The following PMFBP1 variants were observed in gnomAD, a reference collection of about 807,000 sequenced individuals.
PMFBP1 encodes the protein polyamine-modulated factor 1-binding protein 1.
PMFBP1 carries 131 observed loss-of-function variants against 137.8 expected under a neutral mutation model. That is an observed-to-expected ratio of 0.95 (90% CI 0.82 to 1.10). The LOEUF is 1.10. PMFBP1 is among the 50% of genes least tolerant of loss of function. PMFBP1 has a pLI of 0.00. For synonymous variants in PMFBP1, 490 were observed against 450.4 expected (o/e 1.09, Z -1.11); for missense variants, 1,199 against 1,175.4 (o/e 1.02, Z -0.29).
At chr16:72,180,584 C>T (rs773475333), upstream of PMFBP1, among the ~76,000 whole-genome samples, 1 of 152,132 alleles carries the variant, frequency 6.6e-6, no homozygotes, top group African/African-American at 2.4e-5. Context: ...CCTTTCTACA[C>T]TTCTGCTGCG....
At chr16:72,195,155 G>A in the PMFBP1 span, among the ~76,000 whole-genome samples, 1 of 152,136 alleles carries the variant, frequency 6.6e-6, no homozygotes, top group Non-Finnish European at 1.5e-5. Context: ...GGCAGCTTCC[G>A]GCCAATGACT....
At chr16:72,164,660 T>C (rs2043117098) in intron 3 of PMFBP1, 104 bp downstream of exon 3, 1 of 1,395,572 alleles carries the variant, frequency 7.2e-7, no homozygotes. Context: ...GCTTAATAAG[T>C]ACTCCTGAAT....
At chr16:72,124,013 T>C (rs919065903) in intron 17 of PMFBP1, among the ~76,000 whole-genome samples, 5 of 152,096 alleles carry the variant, frequency 3.3e-5, no homozygotes, top group African/African-American at 1.2e-4. Flanking sequence ...ATGCCTTCTT[T>C]TTCTCTCTTC....
chr16:72,179,647 G>C (rs2043269853), upstream of PMFBP1, among the ~76,000 whole-genome samples: 1 of 152,146 alleles, frequency 6.6e-6, no homozygotes, highest in South Asian at 2.1e-4. Flanking sequence ...AAACAAAAGA[G>C]ATGTTTTGGA....
Position 72,119,345 on chromosome 16 carries a change from T to G in PMFBP1, c.3017A>C (p.Tyr1006Ser), listed in dbSNP as rs749960431. 6.2e-7 allele frequency: 1 copy of G among 1,614,086 alleles called. No individual in the cohort carries two copies. ...CAGGGCTAGATGTGGATTCTAGCAG[T>G]ATGAGGAACCTGAGGGAACAGGGAG... ...IGMPHCPGSSYC is the reference protein window; with the variant it reads ...IGMPHCPGSSSC The change falls in exon 21 of 21, where the codon TAC (tyrosine) becomes TCC (serine). Residue 1006 changes from tyrosine (Y) to serine (S), a missense_variant. Tyr to Ser is a moderately radical substitution (Grantham distance 144). Coordinates refer to ENST00000237353, the MANE Select transcript of PMFBP1 (RefSeq NM_031293.3).
chr16:72,202,684 CA>C, the PMFBP1 span, among the ~76,000 whole-genome samples: 1 of 152,208 alleles, frequency 6.6e-6, no homozygotes, highest in Non-Finnish European at 1.5e-5. Flanking sequence ...GCTCTGGTGC[CA>C]ATCTCTCACT....
At chr16:72,225,934 G>GACACACACAC in the PMFBP1 span, among the ~76,000 whole-genome samples, 239 of 140,758 alleles carry the variant, frequency 1.7e-3, 1 homozygote, top group African/African-American at 4.9e-3. Flanking sequence ...CACACTCACA[G>GACACACACAC]ACACACACAC....
Position 72,121,168 on chromosome 16 carries a change from A to T in PMFBP1, c.2769-1079T>A, listed in dbSNP as rs1280923629. Among the ~76,000 whole-genome samples the T allele has an allele frequency of 2.0e-5, 3 of 152,152 alleles. No homozygotes were observed. The East Asian group carries it at 5.8e-4, about 29-fold the overall frequency. On this transcript the variant is annotated intron_variant, in intron 19 of 20. Transcript: ENST00000237353. ...AGTAAAAAGTTTCGTGGTCTTTTCT[A>T]GAGGAAATCAAGTAGAGAATTCATC...
chr16:72,195,525 T>C, the PMFBP1 span, among the ~76,000 whole-genome samples: 1 of 152,132 alleles, frequency 6.6e-6, no homozygotes, highest in Non-Finnish European at 1.5e-5. Context: ...CCATCCATCC[T>C]GCCTGCATGA....
chr16:72,162,938 T>A (rs2043086044), intron 3 of PMFBP1, among the ~76,000 whole-genome samples: 1 of 152,270 alleles, frequency 6.6e-6, no homozygotes, highest in African/African-American at 2.4e-5. Flanking sequence ...TCTCTATTTG[T>A]GACTTCCTGA....
chr16:72,197,372 GA>G, the PMFBP1 span, among the ~76,000 whole-genome samples: 44 of 152,342 alleles, frequency 2.9e-4, no homozygotes, highest in African/African-American at 1.1e-3. Context: ...GCATGGTCAA[GA>G]AATAATGCTT....
At chr16:72,125,013 T>A in intron 16 of PMFBP1, 79 bp from the exon 17 acceptor site, 1 of 1,539,498 alleles carries the variant, frequency 6.5e-7, no homozygotes, top group Non-Finnish European at 8.9e-7. Flanking sequence ...AGAGGGTGCT[T>A]CCTGGGCCTT....
chr16:72,233,088 G>A, the PMFBP1 span, among the ~76,000 whole-genome samples: 2 of 152,050 alleles, frequency 1.3e-5, no homozygotes, highest in Non-Finnish European at 2.9e-5. Context: ...ATTTCTATAA[G>A]TTGCTAAAGG....
At chr16:72,245,633 G>C in the PMFBP1 span, among the ~76,000 whole-genome samples, 4 of 152,170 alleles carry the variant, frequency 2.6e-5, no homozygotes, top group African/African-American at 9.7e-5. Context: ...GTTCCCTCCA[G>C]GTTCCCCGAG....
At chr16:72,246,647 T>G in the PMFBP1 span, among the ~76,000 whole-genome samples, 69 of 152,240 alleles carry the variant, frequency 4.5e-4, 1 homozygote, top group South Asian at 0.013. Context: ...TGAGGCTTCC[T>G]GTCTTCTCAG....
rs117953773 is a variant in PMFBP1, at chr16:72,150,732, A to T, written c.512T>A (p.Ile171Asn). 1 of 1,614,032 alleles carries T rather than the reference A, an allele frequency of 6.2e-7. No individual in the cohort carries two copies. Among genetic ancestry groups the T allele is most frequent in the Non-Finnish European group, 8.5e-7 (1 of 1,180,014 alleles). The change falls in exon 5 of 21, where the codon ATC becomes AAC. Residue 171 changes from isoleucine to asparagine, a missense_variant. By Grantham distance (149) the Ile-to-Asn change is moderately radical. Transcript: ENST00000237353. ...QEQLALAGDK[I>N]ASLERSLNLY... ...GTTTAAGCTCCTCTCTAGAGAGGCG[A>T]TCTTGTCCCCGGCCAAGGCGAGTTG...
chr16:72,235,034 G>A, the PMFBP1 span, among the ~76,000 whole-genome samples: 87 of 152,192 alleles, frequency 5.7e-4, no homozygotes, highest in African/African-American at 2.0e-3. Flanking sequence ...AAGCACAAAA[G>A]TTTTTAATTT....
chr16:72,242,854 T>C, the PMFBP1 span, among the ~76,000 whole-genome samples: 1 of 152,202 alleles, frequency 6.6e-6, no homozygotes, highest in Non-Finnish European at 1.5e-5. Flanking sequence ...AATTCTTGCA[T>C]CAAGCATGTG....
At chr16:72,203,518 A>G in the PMFBP1 span, among the ~76,000 whole-genome samples, 1 of 152,210 alleles carries the variant, frequency 6.6e-6, no homozygotes, top group South Asian at 2.1e-4. Context: ...ACGTGCCCAG[A>G]TGAAATGTGG....
Sources: gnomAD v4.1 joint callset for allele counts (sites outside exome capture counted in the v4.1 genomes callset) on GRCh38, gnomAD v4.1.1 for gene constraint, MANE v1.5 for transcripts, NCBI Gene and HGNC (gene_info 2026-07-23, HGNC 2026-07-21) for gene names.